The following CAMTA1 variants were observed in gnomAD, a reference collection of about 807,000 sequenced individuals.
The protein encoded by CAMTA1 is calmodulin-binding transcription activator 1.
In CAMTA1, 27 loss-of-function variants were observed where a neutral mutation model predicts 170.9. The observed-to-expected ratio is 0.16, with a 90% CI of 0.12 to 0.22. The LOEUF (loss-of-function observed/expected upper bound fraction) is 0.22, where lower values mean the gene tolerates loss of function less well. Ranked by LOEUF, CAMTA1 falls within the 10% of genes least tolerant of loss-of-function variation. The pLI, the probability that CAMTA1 is intolerant of heterozygous loss-of-function variation, is 1.00. For synonymous variants in CAMTA1, 833 were observed against 891.5 expected, an observed-to-expected ratio of 0.93 and a Z score of 1.17; for missense variants, 1,619 against 2,217.2, an observed-to-expected ratio of 0.73 and a Z score of 5.42.
chr1:7,264,106 G>T (rs958213009), intron 5 of CAMTA1, among the ~76,000 whole-genome samples: 1 of 152,156 alleles, frequency 6.6e-6, no homozygotes, highest in Non-Finnish European at 1.5e-5. Context: ...CCCAGGAAGG[G>T]CCTGGATGCT....
At chr1:6,814,879 T>C (rs1645603819) in intron 1 of CAMTA1, among the ~76,000 whole-genome samples, 1 of 152,186 alleles carries the variant, frequency 6.6e-6, no homozygotes, top group African/African-American at 2.4e-5. Flanking sequence ...ATATAGCATC[T>C]TGTTTCATTA....
intron 5 of CAMTA1, among the ~76,000 whole-genome samples, chr1:7,465,327 G>T (rs1401221190): frequency 6.6e-6 from 1 of 152,184 alleles, no homozygotes; most frequent in East Asian, 1.9e-4. Flanking sequence ...CATGGAAGGG[G>T]TCCCATTCCC....
chr1:7,204,830 C>CTTT (rs367812076), intron 4 of CAMTA1, among the ~76,000 whole-genome samples: 3 of 86,808 alleles, frequency 3.5e-5, no homozygotes, highest in South Asian at 4.6e-4. Flanking sequence ...TTCTTTTTTT[C>CTTT]TTTTTTTTTT....
At position 7,042,993 on chromosome 1, in the gene CAMTA1, A is replaced by G. The variant is rs7525088; in HGVS notation, c.235-48311A>G. Reference sequence around the variant, plus strand: ...AAAACAAAATGAAATCAACCAAACCACCCCCCAAGTTTCTTCACTGGCCTG... The same window carrying G: ...AAAACAAAATGAAATCAACCAAACCGCCCCCCAAGTTTCTTCACTGGCCTG... On this transcript the variant is annotated intron_variant, in intron 3 of 22. Transcript: ENST00000303635. Among the ~76,000 whole-genome samples, 21 of 151,732 alleles carry G rather than the reference A, an allele frequency of 1.4e-4. No homozygotes were observed. In the East Asian group the frequency reaches 3.7e-3, roughly 27 times the overall value.
chr1:7,693,381 C>A (rs2096340120), intron 11 of CAMTA1: 1 of 152,222 alleles, frequency 6.6e-6, no homozygotes, highest in Non-Finnish European at 1.5e-5. Flanking sequence ...TCCCACAACA[C>A]ATGGAAATTC....
chr1:7,508,939 A>G (rs1018263108), intron 6 of CAMTA1, among the ~76,000 whole-genome samples: 2 of 152,116 alleles, frequency 1.3e-5, no homozygotes, highest in African/African-American at 4.8e-5. Flanking sequence ...CCCTTCCCAT[A>G]CAGGGCTGGA....
chr1:7,385,092 AT>A lies in CAMTA1; in HGVS notation c.439-82723del, dbSNP rs34254610. On this transcript the variant is annotated intron_variant, in intron 5 of 22. Coordinates refer to ENST00000303635, the MANE Select transcript of CAMTA1 (RefSeq NM_015215.4). Reference sequence around the variant, plus strand: ...TGCCCATCCTGCTTGCCTGTTCACTATTTTTTTTTTTTTTTGAGACAGAGTC... The same window carrying A: ...TGCCCATCCTGCTTGCCTGTTCACTATTTTTTTTTTTTTTGAGACAGAGTC... Among the ~76,000 whole-genome samples the A allele has an allele frequency of 1.6e-3, 223 of 140,190 alleles. 2 individuals carry two copies. Among genetic ancestry groups the A allele is most frequent in the African/African-American group, 5.2e-3 (197 of 37,542 alleles). The allele number at this position is 140,190 out of a possible 152,430, so 92.0% of individuals were successfully genotyped here.
At chr1:7,747,906 G>GTTTTTTTTTTTTT in intron 19 of CAMTA1, 125 bp downstream of exon 19, 1 of 412,908 alleles carries the variant, frequency 2.4e-6, no homozygotes, top group Non-Finnish European at 4.3e-6. Flanking sequence ...TTTTTTGGTT[G>GTTTTTTTTTTTTT]TTTTTTTTTT....
At chr1:7,477,268 C>T (rs1575524904) in intron 6 of CAMTA1, among the ~76,000 whole-genome samples, 1 of 151,960 alleles carries the variant, frequency 6.6e-6, no homozygotes, top group Non-Finnish European at 1.5e-5. Flanking sequence ...TGGGGAGGGG[C>T]GGGTTTTGGA....
Position 7,732,342 on chromosome 1 carries a change from A to G in CAMTA1, c.2915-106A>G, listed in dbSNP as rs1217489086. 6.6e-6 allele frequency: 6 copies of G among 913,678 alleles called. No homozygotes were observed. The highest frequency in any genetic ancestry group is 1.1e-5 in the Non-Finnish European group (6 of 569,018). The allele number at this position is 913,678 out of a possible 1,614,324, so 56.6% of individuals were successfully genotyped here. On this transcript the variant is annotated intron_variant, in intron 11 of 22. Coordinates refer to ENST00000303635, the MANE Select transcript of CAMTA1 (RefSeq NM_015215.4). This position sits in a 1 kb window ranked among gnomAD's most constrained non-coding sequence, Gnocchi z 4.1. Reference sequence around the variant, plus strand: ...GGCGGAGACCTCTCTGGTTTGGTGAAGTTACGGACGGCATTTGGATGCTGG... The same window carrying G: ...GGCGGAGACCTCTCTGGTTTGGTGAGGTTACGGACGGCATTTGGATGCTGG...
At chr1:6,808,872 G>T (rs1239294152) in intron 1 of CAMTA1, among the ~76,000 whole-genome samples, 1 of 152,102 alleles carries the variant, frequency 6.6e-6, no homozygotes, top group African/African-American at 2.4e-5. Flanking sequence ...ATGCAATTTT[G>T]TGACTGACTG....
chr1:7,054,910 G>A (rs528669894), intron 3 of CAMTA1, among the ~76,000 whole-genome samples: 2 of 152,308 alleles, frequency 1.3e-5, no homozygotes, highest in South Asian at 2.1e-4. Flanking sequence ...AGCTTCTGGG[G>A]AGGCCTCAGG....
Position 7,768,220 on chromosome 1 carries a change from A to C in CAMTA1, c.*1729A>C, listed in dbSNP as rs539065259. ...TCAGAAAATATAATAAAATTGCACA[A>C]AAAAAAAAATGAAAAAGATGCAGAC... On this transcript the variant is annotated 3_prime_UTR_variant, in exon 23 of 23. Coordinates refer to ENST00000303635, the MANE Select transcript of CAMTA1 (RefSeq NM_015215.4). The C allele has an allele frequency of 0.012, 79 of 6,708 alleles. No individual in the cohort carries two copies. The East Asian group carries it at 0.36, about 30-fold the overall frequency. The allele number at this position is 6,708 out of a possible 1,614,324, so 0.4% of individuals were successfully genotyped here. A position where few individuals can be genotyped will look rare whatever the true frequency, so the allele number is the denominator to read the frequency against.
intron 5 of CAMTA1, among the ~76,000 whole-genome samples, chr1:7,253,070 G>A (rs1166650889): frequency 6.6e-6 from 1 of 152,150 alleles, no homozygotes; most frequent in African/African-American, 2.4e-5. Context: ...GGTTTCCAGG[G>A]ATGACAAAGG....
intron 4 of CAMTA1, among the ~76,000 whole-genome samples, chr1:7,110,236 A>G (rs1279863028): frequency 6.6e-6 from 1 of 151,596 alleles, no homozygotes; most frequent in Non-Finnish European, 1.5e-5. Context: ...GGGCCATGTA[A>G]CCCTTTATCC....
chr1:7,531,964 T>C (rs2094497275), intron 6 of CAMTA1, among the ~76,000 whole-genome samples: 1 of 152,076 alleles, frequency 6.6e-6, no homozygotes, highest in African/African-American at 2.4e-5. Flanking sequence ...ACCTACAAAA[T>C]GCCCCAAACT....
chr1:7,595,956 GC>G (rs1179979721), intron 6 of CAMTA1, among the ~76,000 whole-genome samples: 2 of 152,210 alleles, frequency 1.3e-5, no homozygotes, highest in African/African-American at 4.8e-5. Context: ...GAGATTAGGG[GC>G]CTGACACTTG....
At position 7,221,841 on chromosome 1, in the gene CAMTA1, G is replaced by T. The variant is rs563377660; in HGVS notation, c.303-27650G>T. Among the ~76,000 whole-genome samples, 6 of 152,164 alleles carry T rather than the reference G, an allele frequency of 3.9e-5. No individual in the cohort carries two copies. The East Asian group carries it at 1.2e-3, about 29-fold the overall frequency. ...TTTTATCCCATGGTCAGGGAGGATG[G>T]TGACTGCCTTGTGCCATGGGTGACC... On this transcript the variant is annotated intron_variant, in intron 4 of 22. Transcript: ENST00000303635.
At chr1:7,549,515 C>A (rs1018364546) in intron 6 of CAMTA1, among the ~76,000 whole-genome samples, 1 of 152,150 alleles carries the variant, frequency 6.6e-6, no homozygotes, top group African/African-American at 2.4e-5. Flanking sequence ...CATTTCCTCT[C>A]CAATGCCCTG....
Sources: allele counts gnomAD v4.1 joint callset (sites outside exome capture counted in the v4.1 genomes callset), GRCh38; gene constraint gnomAD v4.1.1; non-coding constraint Gnocchi (gnomAD v3.1); transcripts MANE v1.5; gene names NCBI Gene and HGNC (gene_info 2026-07-23, HGNC 2026-07-21).